PLS1: variants seen among roughly 807,000 people sequenced by gnomAD.
PLS1 encodes plastin 1.
A neutral mutation model predicts 73.7 loss-of-function variants in PLS1; 32 were observed. The ratio of observed to expected loss-of-function variants is 0.43; its 90% confidence interval spans 0.33 to 0.58. The LOEUF (loss-of-function observed/expected upper bound fraction) is 0.58, where lower values mean the gene tolerates loss of function less well. Among genes scored for constraint, PLS1 ranks in the 20% least tolerant of loss-of-function variants. PLS1 has a pLI of 0.04. For synonymous variants in PLS1, 217 were observed against 261.3 expected, an observed-to-expected ratio of 0.83 and a Z score of 1.63; for missense variants, 633 against 740.5, an observed-to-expected ratio of 0.85 and a Z score of 1.68.
At chr3:142,649,233 G>A (rs1054743970) in intron 1 of PLS1, among the ~76,000 whole-genome samples, 4 of 151,110 alleles carry the variant, frequency 2.6e-5, no homozygotes, top group Admixed American at 1.3e-4. Flanking sequence ...CCAGCTACTC[G>A]GGAGGCTGAG....
intron 10 of PLS1, among the ~76,000 whole-genome samples, chr3:142,690,600 A>G (rs1301361645): frequency 6.6e-6 from 1 of 152,222 alleles, no homozygotes; most frequent in Non-Finnish European, 1.5e-5. Context: ...AATTTTGAGA[A>G]CTGGAATTCA....
At chr3:142,709,449 T>G (rs1275298255) in intron 14 of PLS1, among the ~76,000 whole-genome samples, 5 of 152,218 alleles carry the variant, frequency 3.3e-5, no homozygotes, top group African/African-American at 9.6e-5. Context: ...GCCAAAGATC[T>G]GTATCATAAA....
At chr3:142,676,412 A>G (rs564592364) in intron 5 of PLS1, 123 bp downstream of exon 5, 4 of 874,738 alleles carry the variant, frequency 4.6e-6, no homozygotes, top group Non-Finnish European at 7.0e-6. Flanking sequence ...GGTCATGAGG[A>G]ATTTATATTG....
At chr3:142,638,309 G>T (rs184988838) in intron 1 of PLS1, among the ~76,000 whole-genome samples, 62 of 152,290 alleles carry the variant, frequency 4.1e-4, no homozygotes, top group Non-Finnish European at 6.9e-4. Context: ...AAGATGTAAA[G>T]CCAGCATGGC....
At chr3:142,647,076 C>T (rs6784361) in intron 1 of PLS1, among the ~76,000 whole-genome samples, 94,751 of 152,036 alleles carry the variant, frequency 0.62, 29,973 homozygotes, top group African/African-American at 0.66. Flanking sequence ...GCTCTAAATA[C>T]AAGGTGTAGC....
intron 1 of PLS1, among the ~76,000 whole-genome samples, chr3:142,614,756 A>G (rs572379627): frequency 2.0e-5 from 3 of 152,216 alleles, no homozygotes; most frequent in South Asian, 4.1e-4. Context: ...TGGCGGCTAT[A>G]GAGTGTGAGA....
At chr3:142,698,437 TA>T (rs57727251) in intron 12 of PLS1, 15,832 of 140,492 alleles carry the variant, frequency 0.11, 2,390 homozygotes, top group African/African-American at 0.35. Flanking sequence ...ATGCAGGATG[TA>T]AAAAAAAAAA....
intron 11 of PLS1, among the ~76,000 whole-genome samples, chr3:142,696,892 T>C (rs1002004834): frequency 1.3e-5 from 2 of 152,032 alleles, no homozygotes; most frequent in Admixed American, 6.6e-5. Context: ...TGCCTAAAGA[T>C]AATCTATTCA....
At chr3:142,651,568 C>T (rs923840072) in intron 1 of PLS1, among the ~76,000 whole-genome samples, 1 of 151,794 alleles carries the variant, frequency 6.6e-6, no homozygotes, top group Non-Finnish European at 1.5e-5. Context: ...TTCAAGCAAT[C>T]CTCCCACCTC....
At chr3:142,608,309 ACCTAAAGGTAAAG>A (rs2108542951) in intron 1 of PLS1, among the ~76,000 whole-genome samples, 1 of 152,374 alleles carries the variant, frequency 6.6e-6, no homozygotes, top group South Asian at 2.1e-4. Context: ...ACAGCATCTA[ACCTAAAGGTAAAG>A]CCAAAGATAC....
At chr3:142,704,258 T>G (rs2038401502) in intron 13 of PLS1, among the ~76,000 whole-genome samples, 1 of 152,232 alleles carries the variant, frequency 6.6e-6, no homozygotes, top group Non-Finnish European at 1.5e-5. Flanking sequence ...TGCTTTAAGT[T>G]TTAAAAATAC....
At chr3:142,621,272 A>G (rs76058146) in intron 1 of PLS1, among the ~76,000 whole-genome samples, 5,168 of 152,270 alleles carry the variant, frequency 0.034, 281 homozygotes, top group African/African-American at 0.12. Flanking sequence ...ACAAAGTGGA[A>G]ATTGAAATTA....
chr3:142,663,092 G>C (rs1671520357), intron 1 of PLS1, among the ~76,000 whole-genome samples: 1 of 152,204 alleles, frequency 6.6e-6, no homozygotes, highest in Non-Finnish European at 1.5e-5. Context: ...TGACATGACT[G>C]TAATTCCAGC....
chr3:142,651,417 G>A (rs1446117967), intron 1 of PLS1, among the ~76,000 whole-genome samples: 2 of 134,432 alleles, frequency 1.5e-5, no homozygotes, highest in African/African-American at 2.9e-5. Context: ...AGCCAAAATT[G>A]TGCCATTGCA....
chr3:142,617,586 G>A (rs914374137), intron 1 of PLS1, among the ~76,000 whole-genome samples: 1 of 152,060 alleles, frequency 6.6e-6, no homozygotes, highest in Non-Finnish European at 1.5e-5. Context: ...AGATTCCTAG[G>A]CCCCATCCTA....
intron 1 of PLS1, among the ~76,000 whole-genome samples, chr3:142,628,529 T>A (rs2036483487): frequency 6.6e-6 from 1 of 152,210 alleles, no homozygotes; most frequent in Admixed American, 6.5e-5. Context: ...CTTAGCTCAC[T>A]GGGCTGATGT....
chr3:142,631,789 C>G (rs2036571460), intron 1 of PLS1, among the ~76,000 whole-genome samples: 1 of 151,190 alleles, frequency 6.6e-6, no homozygotes, highest in African/African-American at 2.4e-5. Context: ...TGGGTGAAAG[C>G]TTCAGGACAC....
chr3:142,679,949 T>C (rs2037813206), intron 6 of PLS1, among the ~76,000 whole-genome samples: 1 of 152,074 alleles, frequency 6.6e-6, no homozygotes, highest in African/African-American at 2.4e-5. Context: ...TTTTATTTCA[T>C]TGAGCAGTGG....
chr3:142,704,142 G>C (rs891897082), intron 13 of PLS1, 141 bp downstream of exon 13: 16 of 638,058 alleles, frequency 2.5e-5, no homozygotes, highest in Admixed American at 7.0e-5. Context: ...AGGATTTACT[G>C]TTGATTATGG....
Sources: allele counts gnomAD v4.1 joint callset (sites outside exome capture counted in the v4.1 genomes callset), GRCh38; gene constraint gnomAD v4.1.1; transcripts MANE v1.5; gene names NCBI Gene and HGNC (gene_info 2026-07-23, HGNC 2026-07-21).